The following CNBD1 variants were observed in gnomAD, a reference collection of about 807,000 sequenced individuals.
CNBD1 encodes the protein cyclic nucleotide binding domain containing 1.
In CNBD1, 71 loss-of-function variants were observed where a neutral mutation model predicts 54.4. That is an observed-to-expected ratio of 1.30 (90% CI 1.08 to 1.59). CNBD1 has a LOEUF of 1.59. Among genes scored for constraint, CNBD1 ranks in the 40% most tolerant of loss-of-function variants. The pLI, the probability that CNBD1 is intolerant of heterozygous loss-of-function variation, is 0.00. For missense variants in CNBD1, 659 were observed against 518.0 expected, an observed-to-expected ratio of 1.27 and a Z score of -2.64; for synonymous variants, 182 against 170.7, an observed-to-expected ratio of 1.07 and a Z score of -0.51.
intron 4 of CNBD1, among the ~76,000 whole-genome samples, chr8:87,149,543 C>T (rs1217534126): frequency 1.3e-5 from 2 of 152,128 alleles, no homozygotes; most frequent in African/African-American, 4.8e-5. Context: ...CTGCCATTTT[C>T]ACATGCTGCC....
At chr8:86,950,816 T>A (rs933633601) in intron 4 of CNBD1, among the ~76,000 whole-genome samples, 17 of 152,230 alleles carry the variant, frequency 1.1e-4, no homozygotes, top group Admixed American at 2.0e-4. Flanking sequence ...TTGATCTTTT[T>A]ACTTATTATT....
intron 4 of CNBD1, among the ~76,000 whole-genome samples, chr8:87,202,350 A>G (rs975738075): frequency 6.6e-6 from 1 of 152,246 alleles, no homozygotes; most frequent in Non-Finnish European, 1.5e-5. Flanking sequence ...TTAGAATAAT[A>G]ACCAGTAATA....
chr8:87,399,452 T>G (rs1586079138), intron 2 of CNBD1, among the ~76,000 whole-genome samples: 1 of 152,146 alleles, frequency 6.6e-6, no homozygotes, highest in East Asian at 1.9e-4. Context: ...TAAACTTGTC[T>G]GAAATAAATC....
intron 2 of CNBD1, among the ~76,000 whole-genome samples, chr8:87,389,141 A>G (rs1336732427): frequency 6.6e-6 from 1 of 152,294 alleles, no homozygotes; most frequent in East Asian, 1.9e-4. Flanking sequence ...CACAGCCAAT[A>G]TCATCCTGAA....
intron 1 of CNBD1, among the ~76,000 whole-genome samples, chr8:86,884,156 C>A (rs13280651): frequency 0.47 from 70,374 of 149,110 alleles, 16,786 homozygotes; most frequent in South Asian, 0.55. Context: ...CGTCTCAAAA[C>A]AAAACAAAAC....
intron 8 of CNBD1, among the ~76,000 whole-genome samples, chr8:87,342,614 G>A (rs1041310955): frequency 1.3e-5 from 2 of 152,090 alleles, no homozygotes; most frequent in African/African-American, 4.8e-5. Flanking sequence ...AAAGAGAAAG[G>A]GTATAAAGAG....
At chr8:87,343,311 G>A (rs965084490) in intron 8 of CNBD1, among the ~76,000 whole-genome samples, 7 of 152,062 alleles carry the variant, frequency 4.6e-5, no homozygotes, top group African/African-American at 1.4e-4. Flanking sequence ...ACAAACAATT[G>A]GTACAGTTAA....
intron 10 of CNBD1, among the ~76,000 whole-genome samples, chr8:87,379,213 G>A (rs997409540): frequency 6.6e-6 from 1 of 151,948 alleles, no homozygotes; most frequent in Non-Finnish European, 1.5e-5. Flanking sequence ...TGGTGAGAGA[G>A]GGCATCCCTG....
At position 87,063,284 on chromosome 8, in the gene CNBD1, G is replaced by A. The variant is rs78471668; in HGVS notation, c.431+123530G>A. Among the ~76,000 whole-genome samples, 88 of 152,322 alleles carry A rather than the reference G, an allele frequency of 5.8e-4. No individual in the cohort carries two copies. In the East Asian group the frequency reaches 0.015, roughly 26 times the overall value. On this transcript the variant is annotated intron_variant, in intron 4 of 10. Coordinates refer to ENST00000518476, the MANE Select transcript of CNBD1 (RefSeq NM_173538.3). ...AACACAGGGACTGTGTTCCTGGAAA[G>A]AGGAGTGTGGATTTCATCAGCATTA...
intron 1 of CNBD1, among the ~76,000 whole-genome samples, chr8:86,886,780 CTAAG>C (rs545265041): frequency 6.4e-4 from 97 of 152,150 alleles, no homozygotes; most frequent in African/African-American, 2.0e-3. Flanking sequence ...AGTAATATGC[CTAAG>C]TGAGTATTTA....
intron 8 of CNBD1, among the ~76,000 whole-genome samples, 185 bp downstream of exon 8, chr8:87,286,856 C>T (rs1322686415): frequency 6.6e-6 from 1 of 152,014 alleles, no homozygotes; most frequent in Non-Finnish European, 1.5e-5. Context: ...TGATACTGTA[C>T]TGGCTTGAAG....
chr8:86,902,880 C>T (rs1300087720), intron 2 of CNBD1, among the ~76,000 whole-genome samples: 1 of 152,080 alleles, frequency 6.6e-6, no homozygotes, highest in African/African-American at 2.4e-5. Flanking sequence ...TCAGCTACTT[C>T]TATATTCCAT....
chr8:87,327,554 G>A (rs1390435384), intron 8 of CNBD1, among the ~76,000 whole-genome samples: 3 of 152,216 alleles, frequency 2.0e-5, no homozygotes, highest in South Asian at 2.1e-4. Flanking sequence ...TCGGGTGGGA[G>A]TGACCCGATT....
chr8:86,970,682 C>T (rs193229416), intron 4 of CNBD1, among the ~76,000 whole-genome samples: 23 of 152,244 alleles, frequency 1.5e-4, no homozygotes, highest in African/African-American at 5.3e-4. Context: ...GTTTAGCTTC[C>T]TCTTATAATT....
intron 4 of CNBD1, among the ~76,000 whole-genome samples, chr8:87,049,668 G>C (rs544976190): frequency 6.6e-6 from 1 of 152,248 alleles, no homozygotes; most frequent in Non-Finnish European, 1.5e-5. Flanking sequence ...AGGTTCTCTG[G>C]TTTCCTCTGA....
intron 4 of CNBD1, among the ~76,000 whole-genome samples, chr8:87,151,633 G>C (rs908863491): frequency 2.0e-5 from 3 of 151,970 alleles, no homozygotes; most frequent in African/African-American, 7.3e-5. Context: ...TTATGACATG[G>C]GGAAATAACC....
intron 4 of CNBD1, among the ~76,000 whole-genome samples, chr8:87,103,155 T>C (rs1220727085): frequency 6.6e-6 from 1 of 152,106 alleles, no homozygotes; most frequent in Non-Finnish European, 1.5e-5. Flanking sequence ...TTGCCAAATA[T>C]CAGCATACAG....
At chr8:87,379,381 C>T (rs1161358970) in intron 10 of CNBD1, among the ~76,000 whole-genome samples, 2 of 151,836 alleles carry the variant, frequency 1.3e-5, no homozygotes. Context: ...CCAAGCGGAC[C>T]TAGTAGACAT....
At chr8:87,385,685 C>A (rs897035380), downstream of CNBD1, among the ~76,000 whole-genome samples, 2 of 152,156 alleles carry the variant, frequency 1.3e-5, no homozygotes, top group Admixed American at 6.5e-5. Context: ...GACTCCACCT[C>A]TGGGGGCAGG....
Sources: gnomAD v4.1 joint callset for allele counts (sites outside exome capture counted in the v4.1 genomes callset) on GRCh38, gnomAD v4.1.1 for gene constraint, MANE v1.5 for transcripts, NCBI Gene and HGNC (gene_info 2026-07-23, HGNC 2026-07-21) for gene names.